Variants in VRK2 observed in about 807,000 individuals in gnomAD.
The protein encoded by VRK2 is serine/threonine-protein kinase VRK2.
VRK2 carries 60 observed loss-of-function variants against 57.6 expected under a neutral mutation model. The observed-to-expected ratio is 1.04, with a 90% CI of 0.85 to 1.29. The LOEUF is 1.29. VRK2 is among the 50% of genes most tolerant of loss of function. The pLI, the probability that VRK2 is intolerant of heterozygous loss-of-function variation, is 0.00. For synonymous variants in VRK2, 231 were observed against 199.2 expected (o/e 1.16, Z -1.35); for missense variants, 705 against 588.1 (o/e 1.20, Z -2.06).
intron 8 of VRK2, among the ~76,000 whole-genome samples, chr2:58,131,026 C>A (rs1297700856): frequency 6.6e-6 from 1 of 151,790 alleles, no homozygotes; most frequent in African/African-American, 2.4e-5. Context: ...TAAAATGATA[C>A]AAGGGCCTGA....
In VRK2 at chr2:58,034,768, G is replaced by GTT. The variant is rs149760514; in HGVS notation, c.-6+1222_-6+1223dup. Reference sequence around the variant, plus strand: ...GGAAGGCTGACACCAGGTTCCAGAGGTTTTTTTTAAAAAACAAAAAACAAA... The same window carrying GTT: ...GGAAGGCTGACACCAGGTTCCAGAGGTTTTTTTTTTAAAAAACAAAAAACAAA... On this transcript the variant is annotated intron_variant, in intron 3 of 15. Transcript: ENST00000417641. 6.0e-5 allele frequency among the ~76,000 whole-genome samples: 9 copies of GTT among 149,484 alleles called. No individual in the cohort carries two copies. The East Asian group carries it at 1.4e-3, about 24-fold the overall frequency.
At chr2:58,105,434 A>G (rs1468823644) in intron 7 of VRK2, among the ~76,000 whole-genome samples, 3 of 152,016 alleles carry the variant, frequency 2.0e-5, no homozygotes, top group Non-Finnish European at 2.9e-5. Context: ...GCCAATAAAT[A>G]TATGGAAAAA....
intron 1 of VRK2, among the ~76,000 whole-genome samples, chr2:58,025,510 T>G: frequency 6.6e-6 from 1 of 152,162 alleles, no homozygotes; most frequent in East Asian, 1.9e-4. Flanking sequence ...TCTGCTATAT[T>G]TTAATCATTT....
At chr2:57,945,667 T>C (rs1416014510) in intron 1 of VRK2, among the ~76,000 whole-genome samples, 1 of 152,190 alleles carries the variant, frequency 6.6e-6, no homozygotes, top group East Asian at 1.9e-4. Context: ...TTTCTACCTA[T>C]ACTTCATTGT....
At chr2:58,040,420 A>T (rs1222858756) in intron 3 of VRK2, among the ~76,000 whole-genome samples, 3 of 152,216 alleles carry the variant, frequency 2.0e-5, no homozygotes, top group African/African-American at 7.2e-5. Context: ...TGTCGTGTCC[A>T]CTAGCTCCCA....
At chr2:58,130,297 A>G (rs1678996337) in intron 8 of VRK2, among the ~76,000 whole-genome samples, 1 of 152,200 alleles carries the variant, frequency 6.6e-6, no homozygotes. Context: ...AATAGAAAGG[A>G]GACTTGTGAA....
upstream of VRK2, among the ~76,000 whole-genome samples, chr2:58,042,455 A>C (rs915023496): frequency 6.6e-6 from 1 of 152,212 alleles, no homozygotes; most frequent in Non-Finnish European, 1.5e-5. Context: ...CAAAAATACT[A>C]GCTCTTCTTT....
At position 58,062,506 on chromosome 2, in the gene VRK2, C is replaced by T. The variant is rs190594465; in HGVS notation, c.136+13539C>T. On this transcript the variant is annotated intron_variant, in intron 2 of 12. Coordinates refer to ENST00000340157, the MANE Select transcript of VRK2 (RefSeq NM_006296.7). The stretch of plus-strand genomic sequence containing the variant: ...GTTAAAGGCTAGGCCTCTTAAACAC[C>T]AGTTAGCCCAATTGTGAATGCAAAG... 2.9e-3 allele frequency among the ~76,000 whole-genome samples: 435 copies of T among 152,130 alleles called. 3 individuals are homozygous for T. Among genetic ancestry groups the T allele is most frequent in the African/African-American group, 9.0e-3 (374 of 41,528 alleles).
chr2:57,978,309 GA>G (rs1266564870), intron 1 of VRK2, among the ~76,000 whole-genome samples: 4 of 150,858 alleles, frequency 2.7e-5, no homozygotes, highest in African/African-American at 9.9e-5. Context: ...GAAACAATTA[GA>G]AAAAAATTAT....
chr2:58,108,941 G>A lies in VRK2; in HGVS notation c.544-14160G>A, dbSNP rs368923112. Reference sequence around the variant, plus strand: ...TCATCCTTTTTTCTCATTCTCAAAAGATCTTAAAATAACTTCTTAGGGTCA... The same window carrying A: ...TCATCCTTTTTTCTCATTCTCAAAAAATCTTAAAATAACTTCTTAGGGTCA... On this transcript the variant is annotated intron_variant, in intron 7 of 12. Coordinates refer to ENST00000340157, the MANE Select transcript of VRK2 (RefSeq NM_006296.7). 1.2e-4 allele frequency among the ~76,000 whole-genome samples: 18 copies of A among 152,216 alleles called. No individual in the cohort carries two copies. In the South Asian group the frequency reaches 1.5e-3, roughly 12 times the overall value.
At chr2:58,129,563 C>G (rs1678862988) in intron 8 of VRK2, among the ~76,000 whole-genome samples, 1 of 152,124 alleles carries the variant, frequency 6.6e-6, no homozygotes. Context: ...AGACTATAAT[C>G]AATTCTTTGT....
At position 58,146,456 on chromosome 2, in the gene VRK2, G is replaced by C; in HGVS notation, c.1164G>C (p.Met388Ile). ...VQKEEKLIGL[M>I]NNEAAQESTR... is the part of the protein sequence containing the mutation. ...AAGAGGAGAAACTGATTGGATTGAT[G>C]AACAATGAAGCAGCTCAGGTGAGAG... The change falls in exon 12 of 13, where the codon ATG becomes ATC. Residue 388 changes from methionine to isoleucine, a missense_variant. Met to Ile is a conservative substitution (Grantham distance 10, BLOSUM62 1). Transcript: ENST00000340157. The C allele has an allele frequency of 6.2e-7, 1 of 1,610,316 alleles. No homozygotes were observed. The highest frequency in any genetic ancestry group is 2.2e-5 in the East Asian group (1 of 44,792).
At chr2:58,006,258 C>T (rs895997435) in intron 1 of VRK2, among the ~76,000 whole-genome samples, 2 of 152,146 alleles carry the variant, frequency 1.3e-5, no homozygotes, top group African/African-American at 4.8e-5. Flanking sequence ...AGAGATTCTG[C>T]ATTTAATGTT....
chr2:58,037,124 T>C (rs1309532558), intron 3 of VRK2, among the ~76,000 whole-genome samples: 4 of 151,842 alleles, frequency 2.6e-5, no homozygotes, highest in Non-Finnish European at 5.9e-5. Flanking sequence ...TTTGCAGAGA[T>C]AGGGTCTCAT....
At chr2:58,121,051 G>A (rs982137104) in intron 7 of VRK2, among the ~76,000 whole-genome samples, 2 of 152,202 alleles carry the variant, frequency 1.3e-5, no homozygotes, top group African/African-American at 4.8e-5. Context: ...GTGATTGAGA[G>A]TAAAAGCTCT....
At chr2:57,990,142 C>T (rs1672717263) in intron 1 of VRK2, among the ~76,000 whole-genome samples, 1 of 152,180 alleles carries the variant, frequency 6.6e-6, no homozygotes, top group Admixed American at 6.5e-5. Context: ...AGTCATGTCA[C>T]AGTCTTAACA....
intron 3 of VRK2, chr2:58,041,196 A>G (rs1199220834): frequency 2.9e-6 from 1 of 343,954 alleles, no homozygotes; most frequent in Non-Finnish European, 4.1e-6. Context: ...GGTTTACTAC[A>G]TTCAATTGTT....
chr2:58,032,388 G>T (rs1410870936), intron 2 of VRK2, among the ~76,000 whole-genome samples: 1 of 152,044 alleles, frequency 6.6e-6, no homozygotes, highest in Non-Finnish European at 1.5e-5. Flanking sequence ...TGTCTAGTGA[G>T]GATCCACTGA....
chr2:58,035,301 T>C (rs991451385), intron 3 of VRK2, among the ~76,000 whole-genome samples: 1 of 152,068 alleles, frequency 6.6e-6, no homozygotes, highest in Non-Finnish European at 1.5e-5. Context: ...AAAAACCTGC[T>C]CTTATCATTA....
Sources: gnomAD v4.1 joint callset for allele counts (sites outside exome capture counted in the v4.1 genomes callset) on GRCh38, gnomAD v4.1.1 for gene constraint, MANE v1.5 for transcripts, NCBI Gene and HGNC (gene_info 2026-07-23, HGNC 2026-07-21) for gene names.